Variants in SMOC2 observed in about 807,000 individuals in gnomAD.
The protein encoded by SMOC2 is SPARC related modular calcium binding 2.
SMOC2 carries 39 observed loss-of-function variants against 61.4 expected under a neutral mutation model. That is an observed-to-expected ratio of 0.64 (90% CI 0.49 to 0.83). The LOEUF (loss-of-function observed/expected upper bound fraction) is 0.83. SMOC2 is among the 40% of genes least tolerant of loss of function. SMOC2 has a pLI of 0.00. For synonymous variants in SMOC2, 247 were observed against 239.9 expected (o/e 1.03, Z -0.27); for missense variants, 556 against 592.9 (o/e 0.94, Z 0.65).
intron 9 of SMOC2, among the ~76,000 whole-genome samples, chr6:168,642,705 A>T (rs1786923569): frequency 6.6e-6 from 1 of 152,226 alleles, no homozygotes; most frequent in African/African-American, 2.4e-5. Flanking sequence ...GGGGTTTATC[A>T]AAATAGACTT....
intron 1 of SMOC2, among the ~76,000 whole-genome samples, chr6:168,445,883 A>AT (rs1160346387): frequency 6.6e-6 from 1 of 152,218 alleles, no homozygotes; most frequent in African/African-American, 2.4e-5. Flanking sequence ...TAACAAGACC[A>AT]TGCAGCCAAT....
At position 168,629,768 on chromosome 6, in the gene SMOC2, G is replaced by C. The variant is rs141743019; in HGVS notation, c.908-20913G>C. On this transcript the variant is annotated intron_variant, in intron 9 of 12. Coordinates refer to ENST00000356284, the MANE Select transcript of SMOC2 (RefSeq NM_001166412.2). Reference sequence around the variant, plus strand: ...TGTGTGTGGGGAAGCTGGTCCCAGAGCTGTCTCCATGCAGAGTTCCCATCA... The same window carrying C: ...TGTGTGTGGGGAAGCTGGTCCCAGACCTGTCTCCATGCAGAGTTCCCATCA... 2.1e-4 allele frequency among the ~76,000 whole-genome samples: 32 copies of C among 152,336 alleles called. No homozygotes were observed. The East Asian group carries it at 5.6e-3, about 27-fold the overall frequency.
At chr6:168,461,299 CAT>C (rs942457062) in intron 1 of SMOC2, among the ~76,000 whole-genome samples, 1 of 152,158 alleles carries the variant, frequency 6.6e-6, no homozygotes, top group African/African-American at 2.4e-5. Flanking sequence ...CCTCCCACAA[CAT>C]GTGGGAATTA....
Position 168,638,008 on chromosome 6 carries a change from A to G in SMOC2, c.908-12673A>G, listed in dbSNP as rs567411046. On this transcript the variant is annotated intron_variant, in intron 9 of 12. Coordinates refer to ENST00000356284, the MANE Select transcript of SMOC2 (RefSeq NM_001166412.2). Reference sequence around the variant, plus strand: ...TGCCCCACCCTGCAGCGCCCAGGGAAGGATTCCCTCTCCCTGCACATCTGC... The same window carrying G: ...TGCCCCACCCTGCAGCGCCCAGGGAGGGATTCCCTCTCCCTGCACATCTGC... 6.9e-3 allele frequency among the ~76,000 whole-genome samples: 1,026 copies of G among 148,790 alleles called. 18 individuals are homozygous for G. Among genetic ancestry groups the G allele is most frequent in the African/African-American group, 0.024 (987 of 40,382 alleles).
At chr6:168,595,863 G>A (rs1785317042) in intron 7 of SMOC2, among the ~76,000 whole-genome samples, 1 of 152,206 alleles carries the variant, frequency 6.6e-6, no homozygotes, top group Non-Finnish European at 1.5e-5. Flanking sequence ...CAAGAGAGAC[G>A]TTTCAAGAAT....
At chr6:168,525,054 T>TCGA (rs1156314825) in intron 2 of SMOC2, among the ~76,000 whole-genome samples, 8 of 152,120 alleles carry the variant, frequency 5.3e-5, no homozygotes, top group African/African-American at 1.7e-4. Flanking sequence ...GTCCTTGGAG[T>TCGA]CGAGACGGCC....
chr6:168,469,462 G>C (rs974958167), intron 1 of SMOC2, among the ~76,000 whole-genome samples: 1 of 152,194 alleles, frequency 6.6e-6, no homozygotes, highest in African/African-American at 2.4e-5. Flanking sequence ...ATGCAGACTT[G>C]GTTGGTTGAA....
intron 1 of SMOC2, among the ~76,000 whole-genome samples, chr6:168,456,596 C>T (rs1310626395): frequency 1.3e-5 from 2 of 152,166 alleles, no homozygotes; most frequent in South Asian, 2.1e-4. Context: ...ACCCCAGTGC[C>T]GAAGCTTGAG....
intron 1 of SMOC2, among the ~76,000 whole-genome samples, chr6:168,496,702 C>T (rs535000562): frequency 6.6e-6 from 1 of 152,198 alleles, no homozygotes; most frequent in South Asian, 2.1e-4. Flanking sequence ...GGCCCCCACC[C>T]TGGGGCCTCC....
chr6:168,450,898 A>G (rs1269353896), intron 1 of SMOC2, among the ~76,000 whole-genome samples: 1 of 152,052 alleles, frequency 6.6e-6, no homozygotes, highest in African/African-American at 2.4e-5. Flanking sequence ...TGTTTTTTGA[A>G]TTTTTTGGCA....
At chr6:168,559,068 A>T (rs545851039) in intron 7 of SMOC2, among the ~76,000 whole-genome samples, 1 of 152,260 alleles carries the variant, frequency 6.6e-6, no homozygotes. Context: ...ACCAAGATTT[A>T]CATGTTGTTA....
At chr6:168,609,634 C>T (rs535184033) in intron 9 of SMOC2, among the ~76,000 whole-genome samples, 1 of 152,042 alleles carries the variant, frequency 6.6e-6, no homozygotes, top group South Asian at 2.1e-4. Context: ...CTCTGAAGTC[C>T]GATTTTAATA....
intron 8 of SMOC2, among the ~76,000 whole-genome samples, chr6:168,602,641 G>A (rs1411153094): frequency 1.3e-5 from 2 of 152,196 alleles, no homozygotes; most frequent in African/African-American, 4.8e-5. Flanking sequence ...ACGTGGAGCA[G>A]GGTCTGTGGC....
rs59096709 is a variant in SMOC2 at position 168,451,599 on chromosome 6, GTC to G, written c.84+10174_84+10175del. ...TCTCTCTCTGTCTCTCTCTGTCTCT[GTC>G]TCTCTCTCTCTCTCTCTCTCTCTCT... On this transcript the variant is annotated intron_variant, in intron 1 of 12. Transcript: ENST00000356284. Among the ~76,000 whole-genome samples, 240 of 145,556 alleles carry G rather than the reference GTC, an allele frequency of 1.6e-3. 3 individuals are homozygous for G. The East Asian group carries it at 0.025, about 15-fold the overall frequency.
chr6:168,663,372 C>A (rs574989888), intron 11 of SMOC2, among the ~76,000 whole-genome samples: 2 of 152,338 alleles, frequency 1.3e-5, no homozygotes, highest in Admixed American at 1.3e-4. Flanking sequence ...CAAACACGTT[C>A]ATCTCTCCTG....
chr6:168,469,085 T>C (rs79140820), intron 1 of SMOC2, among the ~76,000 whole-genome samples: 5,356 of 152,322 alleles, frequency 0.035, 115 homozygotes, highest in Non-Finnish European at 0.054. Flanking sequence ...CTTCTTCCTG[T>C]TCTTGTTTCT....
Position 168,471,320 on chromosome 6 carries a change from A to G in SMOC2, c.84+29866A>G, listed in dbSNP as rs553841624. ...ATTAATTCTGCTCTAAGTACCTCAT[A>G]TATGTAGAATCATGCAGTAGTGGTC... is the stretch of plus-strand genomic sequence containing the variant. On this transcript the variant is annotated intron_variant, in intron 1 of 12. Transcript: ENST00000356284. Among the ~76,000 whole-genome samples the G allele has an allele frequency of 2.8e-4, 42 of 152,256 alleles. No homozygotes were observed. In the South Asian group the frequency reaches 7.9e-3, roughly 29 times the overall value.
chr6:168,546,843 G>A (rs1452945328), intron 5 of SMOC2, among the ~76,000 whole-genome samples: 4 of 152,194 alleles, frequency 2.6e-5, no homozygotes, highest in Non-Finnish European at 5.9e-5. Flanking sequence ...TATGGCCTGT[G>A]ATTGGCTCTG....
intron 9 of SMOC2, among the ~76,000 whole-genome samples, chr6:168,626,339 C>T (rs928819600): frequency 2.0e-5 from 3 of 152,152 alleles, no homozygotes; most frequent in African/African-American, 4.8e-5. Flanking sequence ...CTGTTGCCAG[C>T]GTCTGTTTTT....
Sources: gnomAD v4.1 joint callset for allele counts (sites outside exome capture counted in the v4.1 genomes callset) on GRCh38, gnomAD v4.1.1 for gene constraint, MANE v1.5 for transcripts, NCBI Gene and HGNC (gene_info 2026-07-23, HGNC 2026-07-21) for gene names.